Variants in ZNF385D observed in about 807,000 individuals in gnomAD.
The protein encoded by ZNF385D is zinc finger protein 385D.
A neutral mutation model predicts 35.8 loss-of-function variants in ZNF385D; 15 were observed. The ratio of observed to expected loss-of-function variants is 0.42; its 90% confidence interval spans 0.28 to 0.64. The LOEUF is 0.64. ZNF385D is among the 30% of genes least tolerant of loss of function. ZNF385D has a pLI of 0.23. For missense variants in ZNF385D, 474 were observed against 494.6 expected (o/e 0.96, Z 0.39); for synonymous variants, 212 against 186.8 (o/e 1.13, Z -1.10).
intron 2 of ZNF385D, among the ~76,000 whole-genome samples, chr3:22,202,972 T>A (rs1696903013): frequency 6.6e-6 from 1 of 152,042 alleles, no homozygotes; most frequent in South Asian, 2.1e-4. Flanking sequence ...GCCACAAAAA[T>A]TGTAACTCCT....
intron 2 of ZNF385D, among the ~76,000 whole-genome samples, chr3:21,658,552 G>C (rs1210525545): frequency 6.6e-6 from 1 of 151,590 alleles, no homozygotes; most frequent in Non-Finnish European, 1.5e-5. Flanking sequence ...TGTTTTTCCT[G>C]TCTTTTTATT....
intron 2 of ZNF385D, among the ~76,000 whole-genome samples, chr3:22,300,152 C>T (rs566775118): frequency 6.6e-6 from 1 of 151,972 alleles, no homozygotes; most frequent in African/African-American, 2.4e-5. Context: ...GAAATTCATG[C>T]ATTTAAGGCC....
intron 2 of ZNF385D, among the ~76,000 whole-genome samples, chr3:22,199,683 G>C (rs1209424824): frequency 2.0e-5 from 3 of 152,076 alleles, no homozygotes; most frequent in Non-Finnish European, 2.9e-5. Flanking sequence ...AAACACTGTA[G>C]TAAAAAATTT....
intron 2 of ZNF385D, among the ~76,000 whole-genome samples, chr3:21,626,458 TTAAGA>T (rs2065137525): frequency 1.3e-5 from 2 of 152,256 alleles, no homozygotes; most frequent in Non-Finnish European, 1.5e-5. Context: ...ATGTCATCTC[TTAAGA>T]TAATATTTGG....
intron 3 of ZNF385D, among the ~76,000 whole-genome samples, chr3:21,823,907 G>A (rs1694435102): frequency 6.6e-6 from 1 of 152,196 alleles, no homozygotes; most frequent in African/African-American, 2.4e-5. Context: ...GAATTGCACA[G>A]AGCTGTACAT....
intron 3 of ZNF385D, among the ~76,000 whole-genome samples, chr3:22,064,393 T>G (rs1699830547): frequency 6.6e-6 from 1 of 151,502 alleles, no homozygotes; most frequent in African/African-American, 2.4e-5. Context: ...AGAGCATTTG[T>G]TGCTTATATG....
intron 3 of ZNF385D, among the ~76,000 whole-genome samples, chr3:21,835,547 G>T (rs143179192): frequency 3.3e-5 from 5 of 150,858 alleles, no homozygotes; most frequent in African/African-American, 1.2e-4. Context: ...AACCAAATAC[G>T]TATGTTCACT....
intron 2 of ZNF385D, among the ~76,000 whole-genome samples, chr3:22,210,444 A>C (rs1034347159): frequency 6.6e-6 from 1 of 151,908 alleles, no homozygotes; most frequent in Non-Finnish European, 1.5e-5. Flanking sequence ...GACTTAGTTA[A>C]AATATATTTA....
chr3:21,608,692 A>G (rs187760811), intron 2 of ZNF385D, among the ~76,000 whole-genome samples: 1 of 152,294 alleles, frequency 6.6e-6, no homozygotes, highest in African/African-American at 2.4e-5. Flanking sequence ...TCATCTGCAG[A>G]GTGACTTTTC....
rs1030128302 is a variant in ZNF385D at position 22,168,511 on chromosome 3, T to C, written c.325+306A>G. ...CAAAAACCCACTGTCCTATACACTG[T>C]AAAAGGATGTCTATTTCCACACATA... On this transcript the variant is annotated intron_variant, in intron 3 of 5. Transcript: ENST00000494108. 2.0e-5 allele frequency: 3 copies of C among 152,176 alleles called. No homozygotes were observed. The East Asian group carries it at 5.8e-4, about 29-fold the overall frequency. 9.4% of individuals were successfully genotyped at this position (152,176 alleles called of 1,614,324 possible).
chr3:21,722,941 T>C (rs1278236419), intron 1 of ZNF385D, among the ~76,000 whole-genome samples: 1 of 152,210 alleles, frequency 6.6e-6, no homozygotes, highest in Non-Finnish European at 1.5e-5. Flanking sequence ...CCTCAATTAG[T>C]TCCCTGGCTC....
intron 3 of ZNF385D, among the ~76,000 whole-genome samples, chr3:22,034,701 A>G (rs1302551929): frequency 2.6e-5 from 4 of 152,194 alleles, no homozygotes; most frequent in Non-Finnish European, 4.4e-5. Flanking sequence ...GACCTATTTT[A>G]AAGAATATTA....
At chr3:21,577,288 CTAGACA>C (rs2063522099) in intron 2 of ZNF385D, among the ~76,000 whole-genome samples, 1 of 152,168 alleles carries the variant, frequency 6.6e-6, no homozygotes, top group African/African-American at 2.4e-5. Context: ...GCTTATTTCA[CTAGACA>C]TAATGTCCTC....
intron 3 of ZNF385D, among the ~76,000 whole-genome samples, chr3:21,863,737 G>T (rs776880499): frequency 3.3e-5 from 5 of 152,104 alleles, no homozygotes; most frequent in Admixed American, 2.6e-4. Flanking sequence ...ATGTCAGTAC[G>T]ATTGATACAG....
chr3:21,897,116 G>T (rs1456518820), intron 3 of ZNF385D, among the ~76,000 whole-genome samples: 1 of 152,134 alleles, frequency 6.6e-6, no homozygotes, highest in Non-Finnish European at 1.5e-5. Flanking sequence ...TGATCAGGTG[G>T]AGGCTGCAAT....
chr3:21,989,515 A>C (rs925735135), intron 3 of ZNF385D, among the ~76,000 whole-genome samples: 9 of 151,966 alleles, frequency 5.9e-5, no homozygotes, highest in Non-Finnish European at 1.0e-4. Context: ...TCATTCTCTC[A>C]AAAGGTATGT....
chr3:21,780,701 G>C (rs187046201), intron 3 of ZNF385D, among the ~76,000 whole-genome samples: 1 of 152,070 alleles, frequency 6.6e-6, no homozygotes, highest in Admixed American at 6.6e-5. Context: ...CATTCTAATA[G>C]GGTAACCCAC....
intron 3 of ZNF385D, among the ~76,000 whole-genome samples, chr3:21,980,127 T>C (rs932109393): frequency 3.9e-5 from 6 of 152,210 alleles, no homozygotes; most frequent in Non-Finnish European, 7.3e-5. Flanking sequence ...AGCAGCCTTA[T>C]AGAGAGGCTC....
intron 3 of ZNF385D, among the ~76,000 whole-genome samples, chr3:21,547,915 G>A (rs966265083): frequency 1.3e-5 from 2 of 152,056 alleles, no homozygotes; most frequent in Admixed American, 6.6e-5. Flanking sequence ...CCGGCCACAC[G>A]TACTTCTTTA....
Sources: allele counts gnomAD v4.1 joint callset (sites outside exome capture counted in the v4.1 genomes callset), GRCh38; gene constraint gnomAD v4.1.1; transcripts MANE v1.5; gene names NCBI Gene and HGNC (gene_info 2026-07-23, HGNC 2026-07-21).